ERC2: variants seen among roughly 807,000 people sequenced by gnomAD.
ERC2 encodes ELKS/RAB6-interacting/CAST family member 2.
Under a neutral mutation model 114.8 loss-of-function variants are expected in ERC2, and 42 were observed. The ratio of observed to expected loss-of-function variants is 0.37; its 90% CI spans 0.29 to 0.47. ERC2 has a LOEUF of 0.47. ERC2 is among the 20% of genes least tolerant of loss of function. The pLI, the probability that ERC2 is intolerant of heterozygous loss-of-function variation, is 0.99. For missense variants in ERC2, 939 were observed against 1,150.7 expected (o/e 0.82, Z 2.66); for synonymous variants, 454 against 425.5 (o/e 1.07, Z -0.82).
chr3:56,186,864 G>A (rs911030021), intron 3 of ERC2, among the ~76,000 whole-genome samples: 3 of 152,090 alleles, frequency 2.0e-5, no homozygotes, highest in Non-Finnish European at 2.9e-5. Flanking sequence ...TATATGGCAC[G>A]ATATCAGGTG....
At chr3:55,937,074 C>T (rs2066489523) in intron 13 of ERC2, among the ~76,000 whole-genome samples, 1 of 152,184 alleles carries the variant, frequency 6.6e-6, no homozygotes, top group African/African-American at 2.4e-5. Flanking sequence ...GGCACAGTGG[C>T]TCACGCCTGT....
At chr3:55,914,989 C>T (rs1234883878) in intron 13 of ERC2, among the ~76,000 whole-genome samples, 25 of 152,152 alleles carry the variant, frequency 1.6e-4, no homozygotes, top group Admixed American at 1.6e-3. Flanking sequence ...TTTGAAGCAT[C>T]TTGCCTTTCA....
At chr3:56,285,754 C>A (rs2054657000) in intron 3 of ERC2, among the ~76,000 whole-genome samples, 1 of 152,192 alleles carries the variant, frequency 6.6e-6, no homozygotes, top group Admixed American at 6.5e-5. Flanking sequence ...ACACAACCTG[C>A]AGATATACAC....
chr3:56,287,151 G>T (rs557322078), intron 3 of ERC2, among the ~76,000 whole-genome samples: 1 of 152,280 alleles, frequency 6.6e-6, no homozygotes, highest in African/African-American at 2.4e-5. Context: ...AATTAGAAGA[G>T]CAATGAAATG....
intron 1 of ERC2, among the ~76,000 whole-genome samples, chr3:56,467,966 G>A (rs1042351242): frequency 6.6e-6 from 1 of 152,106 alleles, no homozygotes; most frequent in South Asian, 2.1e-4. Context: ...GGTGGCCCGG[G>A]CAGCCGGGGC....
chr3:55,547,466 G>A (rs959076536), intron 17 of ERC2, among the ~76,000 whole-genome samples: 2 of 152,216 alleles, frequency 1.3e-5, no homozygotes, highest in African/African-American at 2.4e-5. Flanking sequence ...GGACGTTTCC[G>A]GTGCGCCTCC....
At chr3:55,585,260 T>C (rs1165132652) in intron 17 of ERC2, among the ~76,000 whole-genome samples, 2 of 152,218 alleles carry the variant, frequency 1.3e-5, no homozygotes, top group Non-Finnish European at 2.9e-5. Context: ...TTAACAGATT[T>C]AGGACTAAAT....
intron 3 of ERC2, among the ~76,000 whole-genome samples, chr3:56,174,543 C>A (rs1248609405): frequency 2.0e-5 from 3 of 152,144 alleles, no homozygotes; most frequent in Non-Finnish European, 4.4e-5. Context: ...ACTTTCAGAA[C>A]CACTGGATCA....
chr3:55,646,836 C>T (rs746746087), intron 17 of ERC2, among the ~76,000 whole-genome samples: 9 of 152,120 alleles, frequency 5.9e-5, no homozygotes, highest in Non-Finnish European at 1.0e-4. Context: ...AAAGCTAAGG[C>T]ACAGAGAGGC....
At chr3:55,972,778 G>A (rs932753085) in intron 12 of ERC2, among the ~76,000 whole-genome samples, 3 of 152,178 alleles carry the variant, frequency 2.0e-5, no homozygotes, top group Non-Finnish European at 2.9e-5. Flanking sequence ...TGGAACTATC[G>A]TCTTTTGAGA....
chr3:55,730,244 AGT>A (rs2065174327), intron 15 of ERC2, among the ~76,000 whole-genome samples: 2 of 152,308 alleles, frequency 1.3e-5, no homozygotes, highest in South Asian at 4.1e-4. Flanking sequence ...TAAGTCATAT[AGT>A]CTCTTGGACT....
At chr3:56,449,511 C>G (rs980051105) in intron 1 of ERC2, among the ~76,000 whole-genome samples, 1 of 152,182 alleles carries the variant, frequency 6.6e-6, no homozygotes, top group African/African-American at 2.4e-5. Context: ...ACATTTTCAT[C>G]ATATCACTAA....
intron 8 of ERC2, among the ~76,000 whole-genome samples, chr3:56,011,618 C>CAT (rs938069817): frequency 6.6e-5 from 10 of 151,818 alleles, no homozygotes; most frequent in African/African-American, 2.4e-4. Context: ...CACACACACA[C>CAT]ACACACACAC....
intron 14 of ERC2, among the ~76,000 whole-genome samples, chr3:55,797,450 C>T (rs145031320): frequency 5.0e-4 from 76 of 152,226 alleles, no homozygotes; most frequent in African/African-American, 1.7e-3. Context: ...ATAGCAGCTC[C>T]CTGCTCCCAG....
intron 17 of ERC2, among the ~76,000 whole-genome samples, chr3:55,674,402 C>T (rs2061693379): frequency 6.6e-6 from 1 of 152,124 alleles, no homozygotes; most frequent in Non-Finnish European, 1.5e-5. Context: ...AAGATATATA[C>T]TGAAAAGTTA....
rs148264876 is a variant in ERC2 at position 56,092,534 on chromosome 3, G to A, written c.1474-11550C>T. 2.7e-3 allele frequency among the ~76,000 whole-genome samples: 408 copies of A among 152,222 alleles called. 2 individuals are homozygous for A. The highest frequency in any genetic ancestry group is 9.3e-3 in the African/African-American group (385 of 41,548). ...TCATGTGTTAATACTTAAAGTTTTCGTTAATAAAACTTCCAACACTAACCT... is the reference window on the plus strand; with the variant it reads ...TCATGTGTTAATACTTAAAGTTTTCATTAATAAAACTTCCAACACTAACCT... On this transcript the variant is annotated intron_variant, in intron 6 of 17. Transcript: ENST00000288221.
intron 14 of ERC2, among the ~76,000 whole-genome samples, chr3:55,863,931 T>C (rs2062137526): frequency 6.6e-6 from 1 of 151,146 alleles, no homozygotes; most frequent in South Asian, 2.1e-4. Context: ...CAGTACTGGA[T>C]AGCACTAGTC....
chr3:56,309,447 T>C (rs1199708355), intron 2 of ERC2, among the ~76,000 whole-genome samples: 2 of 152,234 alleles, frequency 1.3e-5, no homozygotes, highest in African/African-American at 2.4e-5. Flanking sequence ...GGCACAATAT[T>C]GGAATACTGC....
At chr3:55,767,497 C>A (rs903699709) in intron 14 of ERC2, among the ~76,000 whole-genome samples, 5 of 152,288 alleles carry the variant, frequency 3.3e-5, no homozygotes, top group East Asian at 1.9e-4. Flanking sequence ...CAGCTCCACT[C>A]GGAGTTACTC....
Sources: allele counts gnomAD v4.1 joint callset (sites outside exome capture counted in the v4.1 genomes callset), GRCh38; gene constraint gnomAD v4.1.1; transcripts MANE v1.5; gene names NCBI Gene and HGNC (gene_info 2026-07-23, HGNC 2026-07-21).